Variants in NPC1L1 observed in about 807,000 individuals in gnomAD.
NPC1L1 encodes NPC1-like intracellular cholesterol transporter 1.
In NPC1L1, 98 loss-of-function variants were observed where a neutral mutation model predicts 117.0. The observed-to-expected ratio is 0.84, with a 90% confidence interval of 0.71 to 0.99. The LOEUF is 0.99. NPC1L1 is among the 50% of genes least tolerant of loss of function. The probability of loss-of-function intolerance (pLI) is 0.00; values close to 1 mark genes in which losing one functional copy is unlikely to be tolerated. For synonymous variants in NPC1L1, 729 were observed against 727.6 expected (o/e 1.00, Z -0.03); for missense variants, 1,540 against 1,710.0 (o/e 0.90, Z 1.75).
intron 10 of NPC1L1, among the ~76,000 whole-genome samples, chr7:44,526,954 G>A (rs1477425792): frequency 6.6e-6 from 1 of 152,136 alleles, no homozygotes; most frequent in Admixed American, 6.5e-5. Context: ...AACCCAGGAG[G>A]CAGAGGTTGC....
In NPC1L1 at chr7:44,532,183, G is replaced by A; in HGVS notation, c.2444C>T (p.Pro815Leu). The A allele has an allele frequency of 1.2e-6, 2 of 1,613,940 alleles. No homozygotes were observed. The highest frequency in any genetic ancestry group is 1.7e-6 in the Non-Finnish European group (2 of 1,180,006). The change falls in exon 9 of 19, where the codon CCC becomes CTC. Residue 815 changes from proline (P) to leucine (L), a missense_variant. Coordinates refer to ENST00000381160, the MANE Select transcript of NPC1L1 (RefSeq NM_001101648.2). ...CTGGCCAGGCGGGGGCAGCTCCTGG[G>A]GCTTGACACAGCAGCAGACGTCCAA... ...SRLDVCCCVK[P>L]QELPPPGQGE... is the part of the protein sequence containing the mutation.
intron 14 of NPC1L1, 100 bp downstream of exon 14, chr7:44,520,665 A>G: frequency 1.9e-6 from 2 of 1,036,416 alleles, no homozygotes; most frequent in Non-Finnish European, 3.0e-6. Flanking sequence ...CCTCCTGACA[A>G]AGGAGGGAGA....
At position 44,532,214 on chromosome 7, in the gene NPC1L1, A is replaced by C; in HGVS notation, c.2413T>G (p.Ser805Ala). The C allele has an allele frequency of 6.2e-7, 1 of 1,613,570 alleles. No homozygotes were observed. The highest frequency in any genetic ancestry group is 8.5e-7 in the Non-Finnish European group (1 of 1,179,920). Reference sequence around the variant, plus strand: ...ACACAGCAGCAGACGTCCAACCGGGAGGCCTGGAGTGGGAGGCACCCCCTC... The same window carrying C: ...ACACAGCAGCAGACGTCCAACCGGGCGGCCTGGAGTGGGAGGCACCCCCTC... ...LSLDSKRQEA[S>A]RLDVCCCVKP... The change falls in exon 9 of 19, where the codon TCC (serine) becomes GCC (alanine). Residue 805 changes from serine to alanine, a missense_variant. Transcript: ENST00000381160.
At chr7:44,525,488 C>T (rs540422718) in intron 10 of NPC1L1, among the ~76,000 whole-genome samples, 1 of 152,218 alleles carries the variant, frequency 6.6e-6, no homozygotes, top group African/African-American at 2.4e-5. Context: ...GATCTCTTGA[C>T]CTTGTGATCC....
chr7:44,525,050 G>C (rs991210521), intron 10 of NPC1L1, among the ~76,000 whole-genome samples: 1 of 152,050 alleles, frequency 6.6e-6, no homozygotes, highest in Non-Finnish European at 1.5e-5. Flanking sequence ...ACAGAGCAGA[G>C]CCTAAGGGAC....
Position 44,538,126 on chromosome 7 carries a change from G to T in NPC1L1, c.1580+691C>A, listed in dbSNP as rs1027834449. Among the ~76,000 whole-genome samples the T allele has an allele frequency of 1.3e-5, 2 of 152,244 alleles. No individual in the cohort carries two copies. Among genetic ancestry groups the T allele is most frequent in the Non-Finnish European group, 2.9e-5 (2 of 68,048 alleles). On this transcript the variant is annotated intron_variant, in intron 2 of 18. Transcript: ENST00000381160. The surrounding 1 kb of genome is among the most constrained non-coding windows in gnomAD (Gnocchi z 5.9). Reference sequence around the variant, plus strand: ...ACTCTCATTTGCTCTGGAGTATGGAGTACTAAACGTTCATCTTGAGGACCT... The same window carrying T: ...ACTCTCATTTGCTCTGGAGTATGGATTACTAAACGTTCATCTTGAGGACCT...
chr7:44,531,803 G>A lies in NPC1L1; in HGVS notation c.2589C>T (p.Ser863=). ...FLALFGVSLY[S]MCHISVGLDQ... ...CCAGTCCCACGCTGATGTGGCACAT[G>A]GAGTAGAGGCTCACTCCGAACAGGG... The change falls in exon 10 of 19, where the codon TCC becomes TCT. Residue 863 remains serine, a synonymous_variant. Transcript: ENST00000381160. 6.3e-7 allele frequency: 1 copy of A among 1,590,172 alleles called. No individual in the cohort carries two copies. The highest frequency in any genetic ancestry group is 1.2e-5 in the South Asian group (1 of 86,868).
At position 44,541,251 on chromosome 7, in the gene NPC1L1, C is replaced by T; in HGVS notation, c.9G>A (p.Glu3=). The change falls in exon 1 of 19, where the codon GAG becomes GAA. Residue 3 remains glutamate, a synonymous_variant. Coordinates refer to ENST00000381160, the MANE Select transcript of NPC1L1 (RefSeq NM_001101648.2). MA[E]AGLRGWLLWA... ...ACAGCAGCCAGCCCCTCAGGCCGGC[C>T]TCCGCCATCCCAGGTCTGGGAAGGG... 1 of 1,549,908 alleles carries T rather than the reference C, an allele frequency of 6.5e-7. No homozygotes were observed. Among genetic ancestry groups the T allele is most frequent in the East Asian group, 2.4e-5 (1 of 40,916 alleles).
intron 14 of NPC1L1, 73 bp from the exon 15 acceptor site, chr7:44,517,430 G>GCAGA: frequency 6.4e-7 from 1 of 1,561,488 alleles, no homozygotes; most frequent in Non-Finnish European, 8.7e-7. Context: ...TCAGAACACC[G>GCAGA]CAGACGCAGT....
Position 44,539,748 on chromosome 7 carries a change from C to A in NPC1L1, c.649G>T (p.Asp217Tyr). Residue 217 changes from aspartate (D) to tyrosine (Y), a missense_variant, in exon 2 of 19, where the codon GAC becomes TAC. This residue lies in a region of NPC1L1 where 793 missense variants were observed against 820.4 expected (regional missense o/e 0.97). Coordinates refer to ENST00000381160, the MANE Select transcript of NPC1L1 (RefSeq NM_001101648.2). The surrounding 1 kb of genome is among the most constrained non-coding windows in gnomAD (Gnocchi z 4.4). ...GDTGNGLAPL[D>Y]ITFHLLEPGQ... ...GGCTCCAAGAGGTGGAAGGTGATGT[C>A]CAGTGGGGCCAGACCATTGCCTGTG... The A allele has an allele frequency of 6.2e-7, 1 of 1,614,166 alleles. No individual in the cohort carries two copies. The highest frequency in any genetic ancestry group is 2.2e-5 in the East Asian group (1 of 44,890).
chr7:44,536,452 C>T lies in NPC1L1; in HGVS notation c.1682-24G>A. ...TCCTGGGATAAGAAATACTCAGACC[C>T]TTCCTGCTGCACCCGTGCCTCCCTC... On this transcript the variant is annotated intron_variant, in intron 3 of 18. Coordinates refer to ENST00000381160, the MANE Select transcript of NPC1L1 (RefSeq NM_001101648.2). The surrounding 1 kb of genome is among the most constrained non-coding windows in gnomAD (Gnocchi z 4.7). The T allele has an allele frequency of 1.2e-6, 2 of 1,606,006 alleles. No individual in the cohort carries two copies. Among genetic ancestry groups the T allele is most frequent in the Non-Finnish European group, 1.7e-6 (2 of 1,179,848 alleles).
At position 44,522,252 on chromosome 7, in the gene NPC1L1, G is replaced by A. The variant is rs757909417; in HGVS notation, c.2638-10C>T. 6.2e-7 allele frequency: 1 copy of A among 1,610,694 alleles called. No homozygotes were observed. The highest frequency in any genetic ancestry group is 1.3e-5 in the African/African-American group (1 of 74,858). The stretch of plus-strand genomic sequence containing the variant: ...CAAGCAGGTACGAGTCCTAGGAGTG[G>A]AGGAGGGTCAGTGAGCTTTGGTTCG... On this transcript the variant is annotated splice_polypyrimidine_tract_variant and intron_variant, in intron 10 of 18. Coordinates refer to ENST00000381160, the MANE Select transcript of NPC1L1 (RefSeq NM_001101648.2).
At chr7:44,530,840 C>T (rs217408) in intron 10 of NPC1L1, among the ~76,000 whole-genome samples, 4,098 of 152,224 alleles carry the variant, frequency 0.027, 185 homozygotes, top group African/African-American at 0.09. Flanking sequence ...CTGCTCTTGT[C>T]CTCCCTCACC....
chr7:44,537,053 G>T, intron 2 of NPC1L1, 111 bp from the exon 3 acceptor site: 2 of 813,634 alleles, frequency 2.5e-6, no homozygotes, highest in East Asian at 2.7e-5. Flanking sequence ...AGGGTGAGCT[G>T]GTGGGGTGGG....
Position 44,536,239 on chromosome 7 carries a change from G to T in NPC1L1, c.1854+17C>A. 1 of 1,612,768 alleles carries T rather than the reference G, an allele frequency of 6.2e-7. No individual in the cohort carries two copies. Among genetic ancestry groups the T allele is most frequent in the East Asian group, 2.2e-5 (1 of 44,888 alleles). ...CCTGGGTTGCACCCCCAGAGCCAGG[G>T]ACCCTGCAGCCCCTACCTCAGCCAT... is the stretch of plus-strand genomic sequence containing the variant. On this transcript the variant is annotated intron_variant, in intron 4 of 18. Transcript: ENST00000381160. This position sits in a 1 kb window ranked among gnomAD's most constrained non-coding sequence, Gnocchi z 4.7.
chr7:44,520,100 T>C (rs560733761), intron 14 of NPC1L1, among the ~76,000 whole-genome samples: 4 of 152,302 alleles, frequency 2.6e-5, no homozygotes, highest in Admixed American at 2.6e-4. Context: ...GCCAACGTGG[T>C]GCAATTCCAT....
At chr7:44,529,389 T>C (rs1801627461) in intron 10 of NPC1L1, among the ~76,000 whole-genome samples, 1 of 151,816 alleles carries the variant, frequency 6.6e-6, no homozygotes, top group South Asian at 2.1e-4. Flanking sequence ...TACTTTTTTT[T>C]TTTTTTTGAG....
intron 18 of NPC1L1, 68 bp from the exon 19 acceptor site, chr7:44,513,717 T>G (rs1801108786): frequency 6.4e-7 from 1 of 1,560,512 alleles, no homozygotes; most frequent in Non-Finnish European, 8.7e-7. Context: ...CTATTCCTGG[T>G]TCTGTACAAC....
chr7:44,514,319 C>G (rs564993529), intron 18 of NPC1L1, among the ~76,000 whole-genome samples: 88 of 152,316 alleles, frequency 5.8e-4, no homozygotes, highest in African/African-American at 2.0e-3. Context: ...TGTGCCTCAG[C>G]CTCCCAAAGT....
Sources: allele counts gnomAD v4.1 joint callset (sites outside exome capture counted in the v4.1 genomes callset), GRCh38; gene constraint gnomAD v4.1.1; regional missense constraint gnomAD v4.1.1; non-coding constraint Gnocchi (gnomAD v3.1); transcripts MANE v1.5; gene names NCBI Gene and HGNC (gene_info 2026-07-23, HGNC 2026-07-21).